Variants in SDK1 observed in about 807,000 individuals in gnomAD.
SDK1 encodes protein sidekick-1.
SDK1 carries 157 observed loss-of-function variants against 245.5 expected under a neutral mutation model. The ratio of observed to expected loss-of-function variants is 0.64; its 90% CI spans 0.56 to 0.73. The LOEUF is 0.73. Ranked by LOEUF, SDK1 falls within the 30% of genes least tolerant of loss-of-function variation. SDK1 has a pLI of 0.00. For missense variants in SDK1, 3,583 were observed against 3,002.3 expected (o/e 1.19, Z -4.52); for synonymous variants, 1,647 against 1,278.5 (o/e 1.29, Z -6.15).
At chr7:4,137,015 C>T (rs944659460) in intron 28 of SDK1, among the ~76,000 whole-genome samples, 1 of 152,254 alleles carries the variant, frequency 6.6e-6, no homozygotes, top group Non-Finnish European at 1.5e-5. Flanking sequence ...GAGAGATCGG[C>T]AGCACGTGCC....
intron 4 of SDK1, among the ~76,000 whole-genome samples, chr7:3,710,653 A>T (rs866925861): frequency 3.3e-5 from 5 of 152,224 alleles, no homozygotes; most frequent in African/African-American, 2.4e-5. Context: ...ACACTCTCGT[A>T]AATTACTCTT....
intron 1 of SDK1, among the ~76,000 whole-genome samples, chr7:3,431,358 GTTT>G (rs34510123): frequency 6.8e-5 from 8 of 118,368 alleles, no homozygotes; most frequent in African/African-American, 2.4e-4. Context: ...AATGTGGGAG[GTTT>G]TTTTTTTTTT....
At chr7:4,094,458 C>G (rs1385450101) in intron 22 of SDK1, among the ~76,000 whole-genome samples, 1 of 152,206 alleles carries the variant, frequency 6.6e-6, no homozygotes, top group African/African-American at 2.4e-5. Context: ...CCCCTCCAAT[C>G]CCCATGTGCT....
At chr7:3,557,945 A>T (rs560630508) in intron 1 of SDK1, among the ~76,000 whole-genome samples, 1 of 152,242 alleles carries the variant, frequency 6.6e-6, no homozygotes, top group East Asian at 1.9e-4. Flanking sequence ...ATGCTTGTAC[A>T]TTGTCTTTAA....
intron 5 of SDK1, among the ~76,000 whole-genome samples, chr7:3,941,493 C>T (rs1780365839): frequency 6.6e-6 from 1 of 152,154 alleles, no homozygotes; most frequent in Non-Finnish European, 1.5e-5. Context: ...AGAACTGCTT[C>T]CTTTTTCCCA....
intron 1 of SDK1, among the ~76,000 whole-genome samples, chr7:3,588,328 TAA>T (rs1004421960): frequency 3.9e-5 from 6 of 152,244 alleles, no homozygotes; most frequent in Non-Finnish European, 8.8e-5. Flanking sequence ...AGATATTTAT[TAA>T]GTTTGTTTAC....
At chr7:3,845,472 G>C (rs1019648448) in intron 5 of SDK1, among the ~76,000 whole-genome samples, 19 of 129,892 alleles carry the variant, frequency 1.5e-4, no homozygotes, top group Non-Finnish European at 3.0e-4. Context: ...CCTGGTGACA[G>C]AGTGAGACTC....
At chr7:3,612,716 G>A (rs536618951) in intron 1 of SDK1, among the ~76,000 whole-genome samples, 8 of 152,216 alleles carry the variant, frequency 5.3e-5, no homozygotes, top group South Asian at 2.1e-4. Context: ...AAGATTAGTC[G>A]CCCTGGGAAA....
chr7:3,978,089 T>A (rs1271036703), intron 13 of SDK1, among the ~76,000 whole-genome samples: 2 of 146,498 alleles, frequency 1.4e-5, no homozygotes, highest in African/African-American at 5.0e-5. Context: ...AGACAGAGGA[T>A]TTTTTTTTTT....
intron 19 of SDK1, among the ~76,000 whole-genome samples, chr7:4,059,216 T>C (rs933672320): frequency 3.3e-5 from 5 of 152,150 alleles, no homozygotes; most frequent in Non-Finnish European, 7.4e-5. Flanking sequence ...CTCAGCTCAC[T>C]TGTAAAGACA....
chr7:4,221,518 G>A (rs969087947), intron 40 of SDK1, among the ~76,000 whole-genome samples, 154 bp downstream of exon 40: 1 of 152,164 alleles, frequency 6.6e-6, no homozygotes, highest in East Asian at 1.9e-4. Context: ...GACATCCATG[G>A]CTCACTCAGC....
intron 44 of SDK1, among the ~76,000 whole-genome samples, chr7:4,252,835 CTT>C (rs1209212842): frequency 2.2e-5 from 3 of 133,650 alleles, no homozygotes; most frequent in African/African-American, 3.0e-5. Context: ...CCCCCCCCCT[CTT>C]TTTTTTTTTG....
At chr7:3,666,185 A>G (rs1019107056) in intron 4 of SDK1, among the ~76,000 whole-genome samples, 4 of 152,188 alleles carry the variant, frequency 2.6e-5, no homozygotes, top group Non-Finnish European at 5.9e-5. Flanking sequence ...AAATCCTTTT[A>G]GTAGTTTCCG....
chr7:4,193,829 G>A (rs1006872379), intron 35 of SDK1, among the ~76,000 whole-genome samples: 1 of 152,058 alleles, frequency 6.6e-6, no homozygotes, highest in African/African-American at 2.4e-5. Context: ...TCATCACTTT[G>A]TGCATTGAAC....
At chr7:4,058,545 C>T (rs957473551) in intron 19 of SDK1, among the ~76,000 whole-genome samples, 3 of 152,158 alleles carry the variant, frequency 2.0e-5, no homozygotes, top group Non-Finnish European at 4.4e-5. Flanking sequence ...TTCTCCATGG[C>T]ACATTGTAGT....
At chr7:3,607,296 C>G (rs116932680) in intron 1 of SDK1, among the ~76,000 whole-genome samples, 1 of 152,172 alleles carries the variant, frequency 6.6e-6, no homozygotes, top group African/African-American at 2.4e-5. Flanking sequence ...GGAAATCATA[C>G]ATAAATCACT....
chr7:3,851,648 G>A (rs1307672171), intron 5 of SDK1, among the ~76,000 whole-genome samples: 1 of 151,744 alleles, frequency 6.6e-6, no homozygotes, highest in East Asian at 1.9e-4. Context: ...AGATTCACTG[G>A]CATTGGGCGG....
chr7:3,355,276 A>G (rs1206833891), intron 1 of SDK1, among the ~76,000 whole-genome samples: 1 of 152,226 alleles, frequency 6.6e-6, no homozygotes, highest in African/African-American at 2.4e-5. Flanking sequence ...AAATGTAGCT[A>G]TCCACTGAAG....
At chr7:4,196,969 G>C (rs1783617504) in intron 35 of SDK1, among the ~76,000 whole-genome samples, 2 of 152,240 alleles carry the variant, frequency 1.3e-5, no homozygotes. Context: ...GACCGTCTAG[G>C]CTTGAACTCC....
Sources: allele counts gnomAD v4.1 joint callset (sites outside exome capture counted in the v4.1 genomes callset), GRCh38; gene constraint gnomAD v4.1.1; transcripts MANE v1.5; gene names NCBI Gene and HGNC (gene_info 2026-07-23, HGNC 2026-07-21).